Variants in RSPO3 observed in about 807,000 individuals in gnomAD.
The protein encoded by RSPO3 is R-spondin-3.
Under a neutral mutation model 36.5 loss-of-function variants are expected in RSPO3, and 17 were observed. The observed-to-expected ratio is 0.47, with a 90% CI of 0.32 to 0.70. The LOEUF (loss-of-function observed/expected upper bound fraction) is 0.70, where lower values mean the gene tolerates loss of function less well. Among genes scored for constraint, RSPO3 ranks in the 30% least tolerant of loss-of-function variants. The pLI is 0.04. For synonymous variants in RSPO3, 108 were observed against 107.0 expected, an observed-to-expected ratio of 1.01 and a Z score of -0.06; for missense variants, 294 against 322.5, an observed-to-expected ratio of 0.91 and a Z score of 0.68.
At chr6:127,172,248 CACAT>C (rs1413186710) in intron 4 of RSPO3, among the ~76,000 whole-genome samples, 4 of 146,570 alleles carry the variant, frequency 2.7e-5, no homozygotes, top group Non-Finnish European at 6.1e-5. Flanking sequence ...AACACACTCA[CACAT>C]ACAGACACCT....
chr6:127,193,487 G>T (rs935525313), intron 4 of RSPO3, among the ~76,000 whole-genome samples: 4 of 152,092 alleles, frequency 2.6e-5, no homozygotes, highest in Non-Finnish European at 5.9e-5. Flanking sequence ...ATAACATTTT[G>T]CTTGGGGTCA....
intron 4 of RSPO3, among the ~76,000 whole-genome samples, chr6:127,167,032 CA>C (rs1369234821): frequency 6.6e-6 from 1 of 151,918 alleles, no homozygotes; most frequent in Non-Finnish European, 1.5e-5. Context: ...ATGTGCATAG[CA>C]AATATTTTTC....
Position 127,173,148 on chromosome 6 carries a change from CT to C in RSPO3, c.634+17715del, listed in dbSNP as rs1334000383. On this transcript the variant is annotated intron_variant, in intron 4 of 4. Transcript: ENST00000356698. ...TCATTGTTGAAAAAATTGAAAACCT[CT>C]TTTTACCACCAAATCTGCTTCATCT... Among the ~76,000 whole-genome samples, 7 of 144,570 alleles carry C rather than the reference CT, an allele frequency of 4.8e-5. No individual in the cohort carries two copies. The East Asian group carries it at 1.2e-3, about 24-fold the overall frequency. 94.8% of individuals were successfully genotyped at this position (144,570 alleles called of 152,430 possible).
chr6:127,176,945 T>C (rs906620825), intron 4 of RSPO3, among the ~76,000 whole-genome samples: 2 of 151,784 alleles, frequency 1.3e-5, no homozygotes, highest in Admixed American at 6.6e-5. Context: ...CTTCACCTTA[T>C]TGAGATTCAA....
At chr6:127,119,409 G>T in intron 1 of RSPO3, 120 bp downstream of exon 1, 1 of 733,650 alleles carries the variant, frequency 1.4e-6, no homozygotes, top group Non-Finnish European at 2.4e-6. Flanking sequence ...CCTCGCAGAG[G>T]AGATGCAGGT....
Position 127,185,869 on chromosome 6 carries a change from G to A in RSPO3, c.635-9954G>A, listed in dbSNP as rs12528114. On this transcript the variant is annotated intron_variant, in intron 4 of 4. Coordinates refer to ENST00000356698, the MANE Select transcript of RSPO3 (RefSeq NM_032784.5). Reference sequence around the variant, plus strand: ...CATGTCAGCAAGTATGAGGCCATCCGCTCCTGTCCATACAACCCAGTAGAC... The same window carrying A: ...CATGTCAGCAAGTATGAGGCCATCCACTCCTGTCCATACAACCCAGTAGAC... Among the ~76,000 whole-genome samples, 75 of 152,022 alleles carry A rather than the reference G, an allele frequency of 4.9e-4. 1 individual carries two copies. Among genetic ancestry groups the A allele is most frequent in the Admixed American group, 3.2e-3 (49 of 15,236 alleles).
chr6:127,186,830 C>A (rs1319307883), intron 4 of RSPO3, among the ~76,000 whole-genome samples: 2 of 152,004 alleles, frequency 1.3e-5, no homozygotes, highest in Non-Finnish European at 2.9e-5. Flanking sequence ...TTAAAGGAAT[C>A]ACTGGATAGA....
chr6:127,196,097 G>A lies in RSPO3; in HGVS notation c.*90G>A. On this transcript the variant is annotated 3_prime_UTR_variant, in exon 5 of 5. Transcript: ENST00000356698. ...GCTCTAGCCATTAGGACCACAAATG[G>A]ACATGTCAGTTATTGCTCTGTCTAA... The A allele has an allele frequency of 5.6e-6, 6 of 1,068,422 alleles. No homozygotes were observed. Among genetic ancestry groups the A allele is most frequent in the Admixed American group, 5.2e-5 (2 of 38,446 alleles). The allele number at this position is 1,068,422 out of a possible 1,614,324, so 66.2% of individuals were successfully genotyped here.
rs1165867240 is a variant in RSPO3, at chr6:127,197,427, G to T, written c.*1420G>T. 1.6e-5 allele frequency: 25 copies of T among 1,550,306 alleles called. No individual in the cohort carries two copies. The highest frequency in any genetic ancestry group is 2.1e-5 in the Non-Finnish European group (24 of 1,146,950). On this transcript the variant is annotated 3_prime_UTR_variant, in exon 5 of 5. Coordinates refer to ENST00000356698, the MANE Select transcript of RSPO3 (RefSeq NM_032784.5). The stretch of plus-strand genomic sequence containing the variant: ...TTTTCTATCTGTGGATCTCTTTAGG[G>T]GATTGAAGTCACCCTAGCTGAAGGC...
chr6:127,195,733 CTA>C, intron 4 of RSPO3, 88 bp from the exon 5 acceptor site: 9 of 848,668 alleles, frequency 1.1e-5, no homozygotes, highest in Non-Finnish European at 1.6e-5. Context: ...GATATATAAT[CTA>C]AGAGAAATTT....
intron 3 of RSPO3, 38 bp from the exon 4 acceptor site, chr6:127,155,203 G>A: frequency 6.3e-7 from 1 of 1,599,154 alleles, no homozygotes; most frequent in South Asian, 1.1e-5. Flanking sequence ...GAAAGTGGTT[G>A]TAAGCCAGCT....
chr6:127,132,488 C>T (rs1305116554), intron 1 of RSPO3, among the ~76,000 whole-genome samples: 1 of 151,872 alleles, frequency 6.6e-6, no homozygotes, highest in Non-Finnish European at 1.5e-5. Flanking sequence ...ACTGACTACT[C>T]GTGCTTTAAT....
chr6:127,120,376 G>A (rs1007195129), intron 1 of RSPO3, among the ~76,000 whole-genome samples: 6 of 152,160 alleles, frequency 3.9e-5, no homozygotes, highest in Non-Finnish European at 8.8e-5. Context: ...GGGCGCTGGT[G>A]GAGAGAGGGA....
At chr6:127,167,390 G>A (rs1044131580) in intron 4 of RSPO3, among the ~76,000 whole-genome samples, 3 of 151,930 alleles carry the variant, frequency 2.0e-5, no homozygotes, top group Admixed American at 2.0e-4. Context: ...TTCTGGTCCT[G>A]TGTTAGTTTG....
chr6:127,139,525 T>C (rs2114564125), intron 1 of RSPO3, among the ~76,000 whole-genome samples: 1 of 146,782 alleles, frequency 6.8e-6, no homozygotes, highest in Admixed American at 7.0e-5. Context: ...TAATTATTTC[T>C]AACCTTAAAA....
rs1174669505 is a variant in RSPO3 at position 127,129,977 on chromosome 6, A to ATG, written c.97+10689_97+10690insGT. ...TTTGGCAACAAGAAAATGGTAGTAC[A>ATG]TTATATCAGACAAGCAATTCTAAAA... On this transcript the variant is annotated intron_variant, in intron 1 of 4. Transcript: ENST00000356698. 1.8e-3 allele frequency among the ~76,000 whole-genome samples: 281 copies of ATG among 152,280 alleles called. 1 individual carries two copies. Among genetic ancestry groups the ATG allele is most frequent in the African/African-American group, 6.4e-3 (265 of 41,566 alleles).
intron 1 of RSPO3, among the ~76,000 whole-genome samples, chr6:127,127,526 T>A (rs929120828): frequency 1.3e-5 from 2 of 152,112 alleles, no homozygotes; most frequent in East Asian, 3.9e-4. Flanking sequence ...ATAGCTCCCA[T>A]GTTATAATCA....
chr6:127,183,950 C>A (rs1338865974), intron 4 of RSPO3, among the ~76,000 whole-genome samples: 1 of 151,892 alleles, frequency 6.6e-6, no homozygotes, highest in African/African-American at 2.4e-5. Flanking sequence ...GAAAGGGAAG[C>A]AAATGCATCC....
intron 1 of RSPO3, among the ~76,000 whole-genome samples, chr6:127,129,609 A>T (rs952701864): frequency 6.6e-6 from 1 of 152,118 alleles, no homozygotes; most frequent in Non-Finnish European, 1.5e-5. Context: ...TGAGTTCCAG[A>T]GAGTAGGAAA....
Sources: gnomAD v4.1 joint callset for allele counts (sites outside exome capture counted in the v4.1 genomes callset) on GRCh38, gnomAD v4.1.1 for gene constraint, MANE v1.5 for transcripts, NCBI Gene and HGNC (gene_info 2026-07-23, HGNC 2026-07-21) for gene names.